Variants in TAF1 observed in about 807,000 individuals in gnomAD.
TAF1 encodes transcription initiation factor TFIID subunit 1.
TAF1 carries 2 observed loss-of-function variants against 138.5 expected under a neutral mutation model. The observed-to-expected ratio is 0.01, with a 90% confidence interval of 0.01 to 0.05. TAF1 has a LOEUF of 0.05. Ranked by LOEUF, TAF1 falls within the 10% of genes least tolerant of loss-of-function variation. The pLI, the probability that TAF1 is intolerant of heterozygous loss-of-function variation, is 1.00. For synonymous variants in TAF1, 437 were observed against 503.2 expected, an observed-to-expected ratio of 0.87 and a Z score of 1.76; for missense variants, 709 against 1,478.0, an observed-to-expected ratio of 0.48 and a Z score of 8.53.
intron 32 of TAF1, among the ~76,000 whole-genome samples, chrX:71,445,158 G>A (rs1211407673): frequency 9.1e-6 from 1 of 109,678 alleles, no homozygotes; most frequent in Non-Finnish European, 1.9e-5. Context: ...AAATTAGGTG[G>A]GTGTGGTGGT....
intron 28 of TAF1, among the ~76,000 whole-genome samples, chrX:71,409,838 C>A (rs1394200507): frequency 9.0e-6 from 1 of 111,422 alleles, no homozygotes; most frequent in East Asian, 2.8e-4. Context: ...TCAGTCTTTG[C>A]TCTCTTTCTG....
chrX:71,529,117 G>C (rs1341491842), intron 14 of TAF1, among the ~76,000 whole-genome samples: 1 of 108,039 alleles, frequency 9.3e-6, no homozygotes, highest in Non-Finnish European at 1.9e-5. Context: ...TGTCGCCCAG[G>C]CTGGAGTGCA....
rs145096614 is a variant in TAF1, at chrX:71,432,123, G to T, written c.4753+7885G>T. ...GGTAGGATAAAAAGCCAGACTGTAG[G>T]GGTTGTGAATGAATGGGAAGTAAGA... On this transcript the variant is annotated intron_variant, in intron 32 of 37. Transcript: ENST00000423759. 2.1e-3 allele frequency among the ~76,000 whole-genome samples: 234 copies of T among 110,688 alleles called. 1 individual carries two copies. The highest frequency in any genetic ancestry group is 3.3e-3 in the Non-Finnish European group (175 of 52,949).
rs775013248 is a variant in TAF1, at chrX:71,459,846, A to T, written c.5221+138A>T. ...TTGAATTCCTATTAATAGACCTGAG[A>T]GTACTGAGCACTCAGGCGTAGGATG... On this transcript the variant is annotated intron_variant, in intron 36 of 37. Transcript: ENST00000423759. The T allele has an allele frequency of 1.3e-5, 14 of 1,044,578 alleles. No individual in the cohort carries two copies. The South Asian group carries it at 3.1e-4, about 23-fold the overall frequency. 86.1% of individuals were successfully genotyped at this position (1,044,578 alleles called of 1,213,427 possible).
At chrX:71,379,102 GTGAT>G in intron 8 of TAF1, 71 bp downstream of exon 8, 3 of 531,988 alleles carry the variant, frequency 5.6e-6, no homozygotes, top group Non-Finnish European at 8.1e-6. Flanking sequence ...GGGCTCAGCT[GTGAT>G]TTTTTTTTTT....
chrX:71,410,650 G>C (rs1409737511), intron 28 of TAF1, among the ~76,000 whole-genome samples: 1 of 109,337 alleles, frequency 9.1e-6, no homozygotes, highest in Non-Finnish European at 1.9e-5. Context: ...GTAGAGACAG[G>C]GTTTCACCGT....
At position 71,488,346 on chromosome X, in the gene TAF1, C is replaced by T. The variant is rs764683914; in HGVS notation, c.1366+27543C>T. ...GCAACCTCCACCTCCCGGGTTCAAGCGATTCTCCTGCCTTGGCCTCCCGAG... is the reference window on the plus strand; with the variant it reads ...GCAACCTCCACCTCCCGGGTTCAAGTGATTCTCCTGCCTTGGCCTCCCGAG... On this transcript the variant is annotated intron_variant and NMD_transcript_variant, in intron 13 of 14. Transcript: ENST00000373775. Among the ~76,000 whole-genome samples the T allele has an allele frequency of 1.5e-3, 158 of 105,073 alleles. 1 individual carries two copies. The highest frequency in any genetic ancestry group is 5.3e-3 in the African/African-American group (152 of 28,584). 91.2% of individuals were successfully genotyped at this position (105,073 alleles called of 115,157 possible). A position where few individuals can be genotyped will look rare whatever the true frequency, so the allele number is the denominator to read the frequency against.
intron 35 of TAF1, 83 bp from the exon 36 acceptor site, chrX:71,459,469 G>GGT: frequency 9.5e-7 from 1 of 1,055,106 alleles, no homozygotes; most frequent in African/African-American, 1.9e-5. Context: ...GCGGGGCGGG[G>GGT]AGGGGGGGTG....
rs1246276933 is a variant in TAF1, at chrX:71,452,516, A to T, written c.4754-1654A>T. On this transcript the variant is annotated intron_variant, in intron 32 of 37. Coordinates refer to ENST00000423759, the MANE Select transcript of TAF1 (RefSeq NM_004606.5). Reference sequence around the variant, plus strand: ...CCTAGATGGGATGGCGGCCGGGAAGAAGCGCTCCTCACTTCCTAGGTGGGA... The same window carrying T: ...CCTAGATGGGATGGCGGCCGGGAAGTAGCGCTCCTCACTTCCTAGGTGGGA... 3.7e-5 allele frequency among the ~76,000 whole-genome samples: 4 copies of T among 109,325 alleles called. No homozygotes were observed. In the Admixed American group the frequency reaches 3.8e-4, roughly 11 times the overall value. The allele number at this position is 109,325 out of a possible 115,157, so 94.9% of individuals were successfully genotyped here.
Position 71,458,291 on chromosome X carries a change from C to CTCTGTATTTCAAGATGAGAGCAATATG in TAF1, c.4995_5021dup (p.Phe1666_Val1674dup). On this transcript the variant is annotated inframe_insertion, in exon 35 of 38. Coordinates refer to ENST00000423759, the MANE Select transcript of TAF1 (RefSeq NM_004606.5). ...CATCCCTCAGTATGTCTCGAGATGC[C>CTCTGTATTTCAAGATGAGAGCAATATG]TCTGTATTTCAAGATGAGAGCAATA... The CTCTGTATTTCAAGATGAGAGCAATATG allele has an allele frequency of 8.3e-7, 1 of 1,211,420 alleles. No homozygotes were observed. Among genetic ancestry groups the CTCTGTATTTCAAGATGAGAGCAATATG allele is most frequent in the Non-Finnish European group, 1.1e-6 (1 of 895,167 alleles).
intron 13 of TAF1, among the ~76,000 whole-genome samples, chrX:71,505,909 A>C (rs761438749): frequency 6.7e-4 from 74 of 110,860 alleles, no homozygotes; most frequent in Non-Finnish European, 1.3e-3. Flanking sequence ...AATCCCAGCT[A>C]CTCGGGAGGC....
At chrX:71,375,078 A>G (rs2033374695) in intron 3 of TAF1, 89 bp from the exon 4 acceptor site, 1 of 1,017,415 alleles carries the variant, frequency 9.8e-7, no homozygotes, top group African/African-American at 2.0e-5. Context: ...TCTGTCTCAA[A>G]AAAAAAAAAA....
rs186453558 is a variant in TAF1, at chrX:71,502,932, G to A, written c.1367-25610G>A. On this transcript the variant is annotated intron_variant and NMD_transcript_variant, in intron 13 of 14. Coordinates refer to the TAF1 transcript ENST00000373775. ...CAGCCTAGCAACGGAGTGAGACTCCGTCTCAAAAAAGAAAAAAAAAAGAAA... is the reference window on the plus strand; with the variant it reads ...CAGCCTAGCAACGGAGTGAGACTCCATCTCAAAAAAGAAAAAAAAAAGAAA... Among the ~76,000 whole-genome samples the A allele has an allele frequency of 1.9e-4, 20 of 106,874 alleles. No individual in the cohort carries two copies. The East Asian group carries it at 4.4e-3, about 23-fold the overall frequency. 92.8% of individuals were successfully genotyped at this position (106,874 alleles called of 115,157 possible).
intron 32 of TAF1, among the ~76,000 whole-genome samples, chrX:71,445,559 T>C (rs2037654623): frequency 8.9e-6 from 1 of 111,776 alleles, no homozygotes; most frequent in Admixed American, 9.6e-5. Flanking sequence ...ATCAGTTGAG[T>C]GTGTTGGCTT....
At chrX:71,487,415 C>G (rs1051475546) in intron 13 of TAF1, among the ~76,000 whole-genome samples, 4 of 102,557 alleles carry the variant, frequency 3.9e-5, no homozygotes, top group Non-Finnish European at 5.9e-5. Flanking sequence ...GCTCTGCCTA[C>G]TGGGTTCAAA....
At chrX:71,509,443 A>G (rs1363061084) in intron 13 of TAF1, among the ~76,000 whole-genome samples, 1 of 110,711 alleles carries the variant, frequency 9.0e-6, no homozygotes, top group African/African-American at 3.3e-5. Flanking sequence ...AGATAACTCC[A>G]GTTTCCTGTT....
intron 13 of TAF1, among the ~76,000 whole-genome samples, chrX:71,498,605 G>T (rs992769490): frequency 3.6e-5 from 4 of 111,071 alleles, no homozygotes; most frequent in African/African-American, 6.6e-5. Flanking sequence ...GCCTGATTTG[G>T]ACTGGGTGGG....
chrX:71,482,916 G>A (rs1156410292), intron 13 of TAF1, among the ~76,000 whole-genome samples: 2 of 111,498 alleles, frequency 1.8e-5, no homozygotes, highest in African/African-American at 6.5e-5. Flanking sequence ...TATTTTAAAC[G>A]CTTGTTGTCA....
chrX:71,484,885 T>C, intron 13 of TAF1: 1 of 111,912 alleles, frequency 8.9e-6, no homozygotes, highest in East Asian at 2.8e-4. Flanking sequence ...TGCTTCAAGG[T>C]GATGAACTTC....
Sources: allele counts gnomAD v4.1 joint callset (sites outside exome capture counted in the v4.1 genomes callset), GRCh38; gene constraint gnomAD v4.1.1; transcripts MANE v1.5; gene names NCBI Gene and HGNC (gene_info 2026-07-23, HGNC 2026-07-21).